The following HCN1 variants were observed in gnomAD, a reference collection of about 807,000 sequenced individuals.
HCN1 encodes the protein hyperpolarization activated cyclic nucleotide gated potassium channel 1.
HCN1 carries 13 observed loss-of-function variants against 78.9 expected under a neutral mutation model. That is an observed-to-expected ratio of 0.16 (90% CI 0.11 to 0.26). The LOEUF is 0.26. HCN1 is among the 10% of genes least tolerant of loss of function. The pLI is 1.00. For missense variants in HCN1, 810 were observed against 1,154.3 expected, an observed-to-expected ratio of 0.70 and a Z score of 4.32; for synonymous variants, 552 against 455.5, an observed-to-expected ratio of 1.21 and a Z score of -2.70.
At chr5:45,289,345 T>A (rs1241216758) in intron 6 of HCN1, among the ~76,000 whole-genome samples, 1 of 151,978 alleles carries the variant, frequency 6.6e-6, no homozygotes. Context: ...ATATTAAAAA[T>A]AAAATTTTGT....
chr5:45,358,185 A>C (rs1288680724), intron 4 of HCN1, among the ~76,000 whole-genome samples: 1 of 152,116 alleles, frequency 6.6e-6, no homozygotes, highest in Non-Finnish European at 1.5e-5. Context: ...GATAATGGAA[A>C]ATAGAAGTGG....
At chr5:45,494,583 G>C (rs1310692436) in intron 2 of HCN1, among the ~76,000 whole-genome samples, 1 of 151,968 alleles carries the variant, frequency 6.6e-6, no homozygotes, top group East Asian at 1.9e-4. Context: ...TTCTTTTGCT[G>C]TGCAGAAGCT....
intron 4 of HCN1, among the ~76,000 whole-genome samples, chr5:45,360,476 C>T (rs940869434): frequency 1.3e-5 from 2 of 151,820 alleles, no homozygotes; most frequent in Admixed American, 1.3e-4. Context: ...CTTTATTATC[C>T]TACATTTAAA....
intron 5 of HCN1, among the ~76,000 whole-genome samples, chr5:45,305,963 A>T (rs1745726861): frequency 6.6e-6 from 1 of 152,080 alleles, no homozygotes; most frequent in Non-Finnish European, 1.5e-5. Flanking sequence ...TAAAACTCTT[A>T]GCTTTCTCAA....
intron 2 of HCN1, among the ~76,000 whole-genome samples, chr5:45,606,357 A>C (rs114692515): frequency 6.6e-6 from 1 of 152,048 alleles, no homozygotes; most frequent in African/African-American, 2.4e-5. Context: ...TAAAACAAAA[A>C]AAGAAAAAAT....
chr5:45,394,959 T>G (rs185178321), intron 4 of HCN1, among the ~76,000 whole-genome samples: 1 of 152,302 alleles, frequency 6.6e-6, no homozygotes, highest in Non-Finnish European at 1.5e-5. Flanking sequence ...TATTACAAAA[T>G]CATAACATCT....
At chr5:45,520,217 CATTGGTCATATGAGA>C (rs1264261646) in intron 2 of HCN1, among the ~76,000 whole-genome samples, 1 of 151,956 alleles carries the variant, frequency 6.6e-6, no homozygotes, top group East Asian at 1.9e-4. Flanking sequence ...GGCATTACTG[CATTGGTCATATGAGA>C]ATGTGGCACA....
At chr5:45,484,434 A>T (rs929013675) in intron 2 of HCN1, among the ~76,000 whole-genome samples, 1 of 145,638 alleles carries the variant, frequency 6.9e-6, no homozygotes, top group Non-Finnish European at 1.5e-5. Context: ...ACGCCATCTT[A>T]AAAAAAAAAA....
intron 3 of HCN1, among the ~76,000 whole-genome samples, chr5:45,405,696 C>A (rs1304519735): frequency 6.6e-6 from 1 of 152,178 alleles, no homozygotes; most frequent in Admixed American, 6.6e-5. Context: ...GCATAAGACA[C>A]TTTGCCCGGC....
intron 1 of HCN1, among the ~76,000 whole-genome samples, chr5:45,648,343 G>A (rs1401985264): frequency 2.0e-5 from 3 of 152,134 alleles, no homozygotes; most frequent in African/African-American, 7.2e-5. Flanking sequence ...CAGTAATAAT[G>A]CTTATCACAC....
chr5:45,505,088 G>T (rs1478423670), intron 2 of HCN1, among the ~76,000 whole-genome samples: 2 of 152,150 alleles, frequency 1.3e-5, no homozygotes, highest in African/African-American at 4.8e-5. Flanking sequence ...TTGCTGTGTA[G>T]AAGCTCTTTA....
At chr5:45,434,963 T>A (rs573053497) in intron 3 of HCN1, among the ~76,000 whole-genome samples, 130 of 152,196 alleles carry the variant, frequency 8.5e-4, no homozygotes, top group Middle Eastern at 3.4e-3. Context: ...TTATTTTTTT[T>A]AAAAAATGTC....
chr5:45,645,041 T>C, intron 2 of HCN1, 144 bp downstream of exon 2: 3 of 629,558 alleles, frequency 4.8e-6, no homozygotes, highest in Admixed American at 5.8e-5. Context: ...AATATATCAC[T>C]TATGCATGGA....
intron 3 of HCN1, among the ~76,000 whole-genome samples, chr5:45,404,693 C>CAAAAAAAAAAAAAAAAAAAAAA (rs60728403): frequency 1.0e-3 from 57 of 56,242 alleles, no homozygotes; most frequent in Non-Finnish European, 1.4e-3. Context: ...GGGCTATTTG[C>CAAAAAAAAAAAAAAAAAAAAAA]AAAAAAAAAA....
intron 3 of HCN1, among the ~76,000 whole-genome samples, chr5:45,410,909 T>C (rs1740008822): frequency 6.6e-6 from 1 of 152,102 alleles, no homozygotes; most frequent in Non-Finnish European, 1.5e-5. Flanking sequence ...TAAATCCACA[T>C]AAGCTGTATA....
At chr5:45,622,876 G>T (rs1413355186) in intron 2 of HCN1, among the ~76,000 whole-genome samples, 1 of 152,088 alleles carries the variant, frequency 6.6e-6, no homozygotes, top group Non-Finnish European at 1.5e-5. Context: ...TAATGATACC[G>T]AAGCAGGAGT....
intron 7 of HCN1, among the ~76,000 whole-genome samples, chr5:45,266,665 T>C (rs1021091906): frequency 2.6e-5 from 4 of 151,134 alleles, no homozygotes; most frequent in African/African-American, 9.7e-5. Flanking sequence ...TTGCTATTTC[T>C]ACACAAATTA....
chr5:45,287,721 T>G (rs896569209), intron 6 of HCN1, among the ~76,000 whole-genome samples: 1 of 152,068 alleles, frequency 6.6e-6, no homozygotes, highest in East Asian at 1.9e-4. Context: ...CACACACACA[T>G]TGATATAGAG....
chr5:45,441,840 T>C (rs1311720917), intron 3 of HCN1, among the ~76,000 whole-genome samples: 1 of 152,146 alleles, frequency 6.6e-6, no homozygotes, highest in Non-Finnish European at 1.5e-5. Context: ...ATAGGTAACA[T>C]GAGAATTGAA....
Sources: gnomAD v4.1 joint callset for allele counts (sites outside exome capture counted in the v4.1 genomes callset) on GRCh38, gnomAD v4.1.1 for gene constraint, MANE v1.5 for transcripts, NCBI Gene and HGNC (gene_info 2026-07-23, HGNC 2026-07-21) for gene names.